The following PHKG2 variants were observed in gnomAD, a reference collection of about 807,000 sequenced individuals.
PHKG2 encodes phosphorylase b kinase gamma catalytic chain, liver/testis isoform.
In PHKG2, 28 loss-of-function variants were observed where a neutral mutation model predicts 44.5. That is an observed-to-expected ratio of 0.63 (90% CI 0.47 to 0.86). The LOEUF is 0.86. Among genes scored for constraint, PHKG2 ranks in the 40% least tolerant of loss-of-function variants. The probability of loss-of-function intolerance (pLI) is 0.00; values close to 1 mark genes in which losing one functional copy is unlikely to be tolerated. For synonymous variants in PHKG2, 220 were observed against 211.2 expected, an observed-to-expected ratio of 1.04 and a Z score of -0.36; for missense variants, 498 against 547.5, an observed-to-expected ratio of 0.91 and a Z score of 0.90.
chr16:30,759,813 C>A lies in PHKG2; in HGVS notation c.*2716C>A. 6.6e-7 allele frequency: 1 copy of A among 1,509,876 alleles called. No homozygotes were observed. Among genetic ancestry groups the A allele is most frequent in the South Asian group, 1.4e-5 (1 of 73,648 alleles). 93.5% of individuals were successfully genotyped at this position (1,509,876 alleles called of 1,614,324 possible). On this transcript the variant is annotated 3_prime_UTR_variant, in exon 10 of 10. Coordinates refer to ENST00000563588, the MANE Select transcript of PHKG2 (RefSeq NM_000294.3). ...AACAGCTGTTTATGACCATGAGCTT[C>A]AGAAGCAGACAGATCTGGGTTTCAG... is the stretch of plus-strand genomic sequence containing the variant.
intron 3 of PHKG2, 88 bp downstream of exon 3, chr16:30,751,369 C>T (rs1158501399): frequency 7.1e-7 from 1 of 1,409,120 alleles, no homozygotes; most frequent in South Asian, 1.1e-5. Context: ...AACATTGCCT[C>T]CACACCTCTC....
Position 30,748,926 on chromosome 16 carries a change from G to A in PHKG2, c.95+11G>A, listed in dbSNP as rs886051910. ...GGACGTCATCGGCAGGTAAGGCCGC[G>A]GCCAGGGAAACGGAGGTCCAAAGAG... On this transcript the variant is annotated intron_variant, in intron 2 of 9. Coordinates refer to ENST00000563588, the MANE Select transcript of PHKG2 (RefSeq NM_000294.3). 2 of 1,548,308 alleles carry A rather than the reference G, an allele frequency of 1.3e-6. No homozygotes were observed. The highest frequency in any genetic ancestry group is 1.7e-6 in the Non-Finnish European group (2 of 1,144,228).
chr16:30,760,909 T>C lies in PHKG2; in HGVS notation c.*3812T>C. The C allele has an allele frequency of 1.6e-6, 1 of 615,720 alleles. No individual in the cohort carries two copies. Among genetic ancestry groups the C allele is most frequent in the Non-Finnish European group, 2.9e-6 (1 of 348,756 alleles). 38.1% of individuals were successfully genotyped at this position (615,720 alleles called of 1,614,324 possible). The stretch of plus-strand genomic sequence containing the variant: ...TTTTTTCTGCTCTGCCACTACCTTG[T>C]ATGACCTTGGTCAAGTACTCCCTGT... On this transcript the variant is annotated 3_prime_UTR_variant, in exon 10 of 10. Coordinates refer to ENST00000563588, the MANE Select transcript of PHKG2 (RefSeq NM_000294.3).
chr16:30,757,522 C>T lies in PHKG2; in HGVS notation c.*425C>T, dbSNP rs572438853. 60 of 1,614,124 alleles carry T rather than the reference C, an allele frequency of 3.7e-5. No individual in the cohort carries two copies. Among genetic ancestry groups the T allele is most frequent in the Non-Finnish European group, 4.8e-5 (57 of 1,180,006 alleles). On this transcript the variant is annotated 3_prime_UTR_variant, in exon 10 of 10. Coordinates refer to ENST00000563588, the MANE Select transcript of PHKG2 (RefSeq NM_000294.3). ...TTTACCCGGAGGTAGCTGGAAGGGC[C>T]GCTCTAGTGCAGTCAACTTGCTGCT...
rs1231648598 is a variant in PHKG2 at position 30,757,468 on chromosome 16, GTTGGGGGTCA to G, written c.*372_*381del. 2 of 1,611,166 alleles carry G rather than the reference GTTGGGGGTCA, an allele frequency of 1.2e-6. No individual in the cohort carries two copies. The highest frequency in any genetic ancestry group is 4.5e-5 in the East Asian group (2 of 44,842). ...GGCCCAGACCTTTATTGGGGAAAAT[GTTGGGGGTCA>G]CTTGGTCTTGCTCTTGCCTTTACCC... On this transcript the variant is annotated 3_prime_UTR_variant, in exon 10 of 10. Coordinates refer to ENST00000563588, the MANE Select transcript of PHKG2 (RefSeq NM_000294.3).
In PHKG2 at chr16:30,760,608, C is replaced by T; in HGVS notation, c.*3511C>T. Reference sequence around the variant, plus strand: ...CCCACGCCCCCCTCAGTCCCTACTCCCTCATCTCAGCATTGGTGGTCTTCT... The same window carrying T: ...CCCACGCCCCCCTCAGTCCCTACTCTCTCATCTCAGCATTGGTGGTCTTCT... On this transcript the variant is annotated 3_prime_UTR_variant, in exon 10 of 10. Transcript: ENST00000563588. The T allele has an allele frequency of 1.9e-6, 3 of 1,558,630 alleles. No homozygotes were observed. The highest frequency in any genetic ancestry group is 2.6e-6 in the Non-Finnish European group (3 of 1,150,482).
chr16:30,760,708 C>T lies in PHKG2; in HGVS notation c.*3611C>T. 1 of 1,538,156 alleles carries T rather than the reference C, an allele frequency of 6.5e-7. No homozygotes were observed. Among genetic ancestry groups the T allele is most frequent in the South Asian group, 1.2e-5 (1 of 83,792 alleles). On this transcript the variant is annotated 3_prime_UTR_variant, in exon 10 of 10. Transcript: ENST00000563588. ...GAAAAAGAGTATTGGTGGCCGTTAC[C>T]TATCATGACAAGGCTGTGACAGCTA...
At chr16:30,748,743 T>C (rs1416314899) in intron 1 of PHKG2, 60 bp from the exon 2 acceptor site, 6 of 769,844 alleles carry the variant, frequency 7.8e-6, no homozygotes, top group African/African-American at 2.0e-5. Context: ...GGAGCCGCCA[T>C]GCGGGTCGTC....
intron 4 of PHKG2, chr16:30,752,544 A>G (rs1344820837): frequency 6.5e-6 from 1 of 153,394 alleles, no homozygotes; most frequent in Non-Finnish European, 1.4e-5. Flanking sequence ...GTCCGATGCA[A>G]TTGGTATAAT....
intron 2 of PHKG2, among the ~76,000 whole-genome samples, chr16:30,749,225 CTTTCGG>C (rs1567259827): frequency 2.8e-4 from 12 of 42,680 alleles, no homozygotes; most frequent in Admixed American, 9.8e-4. Flanking sequence ...GTGTGTGTGT[CTTTCGG>C]TGGTGGTGGT....
At position 30,757,708 on chromosome 16, in the gene PHKG2, G is replaced by C. The variant is rs997083258; in HGVS notation, c.*611G>C. On this transcript the variant is annotated 3_prime_UTR_variant, in exon 10 of 10. Transcript: ENST00000563588. ...TGAGGAGAGATGCTGTCTGGCAATGGGGGGATGGTCCCTAGTTGGGCAAAC... is the reference window on the plus strand; with the variant it reads ...TGAGGAGAGATGCTGTCTGGCAATGCGGGGATGGTCCCTAGTTGGGCAAAC... The C allele has an allele frequency of 1.9e-6, 3 of 1,553,358 alleles. No individual in the cohort carries two copies. The highest frequency in any genetic ancestry group is 2.6e-6 in the Non-Finnish European group (3 of 1,148,638).
intron 7 of PHKG2, 39 bp from the exon 8 acceptor site, chr16:30,756,328 C>T (rs1467286292): frequency 6.2e-7 from 1 of 1,614,168 alleles, no homozygotes; most frequent in South Asian, 1.1e-5. Flanking sequence ...CTGGGTCTGC[C>T]CGTCACCTAG....
chr16:30,753,651 A>G, intron 6 of PHKG2, 94 bp downstream of exon 6: 1 of 1,271,284 alleles, frequency 7.9e-7, no homozygotes. Context: ...CCCTGGTGCC[A>G]AGAAAAAGGG....
intron 2 of PHKG2, among the ~76,000 whole-genome samples, chr16:30,750,344 A>G (rs1222710981): frequency 1.3e-5 from 2 of 152,244 alleles, no homozygotes; most frequent in East Asian, 3.8e-4. Flanking sequence ...TGTGAGGCCA[A>G]GGAGGCCCCA....
At position 30,757,278 on chromosome 16, in the gene PHKG2, G is replaced by A. The variant is rs2053449331; in HGVS notation, c.*181G>A. 6.5e-7 allele frequency: 1 copy of A among 1,548,486 alleles called. No individual in the cohort carries two copies. Among genetic ancestry groups the A allele is most frequent in the East Asian group, 2.3e-5 (1 of 44,344 alleles). On this transcript the variant is annotated 3_prime_UTR_variant, in exon 10 of 10. Coordinates refer to ENST00000563588, the MANE Select transcript of PHKG2 (RefSeq NM_000294.3). Reference sequence around the variant, plus strand: ...GGACTCTGAGATCAGAGCTGGGGTGGAAGGGAGCCATTCTGAACGCCACGC... The same window carrying A: ...GGACTCTGAGATCAGAGCTGGGGTGAAAGGGAGCCATTCTGAACGCCACGC...
At position 30,751,947 on chromosome 16, in the gene PHKG2, G is replaced by C. The variant is rs950687971; in HGVS notation, c.326+344G>C. 3.1e-5 allele frequency: 10 copies of C among 327,058 alleles called. No homozygotes were observed. The Admixed American group carries it at 4.1e-4, about 13-fold the overall frequency. The allele number at this position is 327,058 out of a possible 1,614,324, so 20.3% of individuals were successfully genotyped here. ...TCTCTACTAAAAATACAAAAAATCA[G>C]CCGGGCGTGGTGGTGGGCGCCTGTA... On this transcript the variant is annotated intron_variant, in intron 4 of 9. Coordinates refer to ENST00000563588, the MANE Select transcript of PHKG2 (RefSeq NM_000294.3).
Position 30,759,622 on chromosome 16 carries a change from TAA to T in PHKG2, c.*2527_*2528del, listed in dbSNP as rs777811070. ...GGGTGAGACCTTGTCTGGGGATGGG[TAA>T]AGTTTCCAGAATGTTCCAGGGGAAC... On this transcript the variant is annotated 3_prime_UTR_variant, in exon 10 of 10. Transcript: ENST00000563588. 6 of 1,613,828 alleles carry T rather than the reference TAA, an allele frequency of 3.7e-6. No homozygotes were observed. The highest frequency in any genetic ancestry group is 5.1e-6 in the Non-Finnish European group (6 of 1,180,012).
intron 2 of PHKG2, among the ~76,000 whole-genome samples, chr16:30,750,529 A>G (rs2053330516): frequency 6.6e-6 from 1 of 152,232 alleles, no homozygotes; most frequent in Admixed American, 6.5e-5. Flanking sequence ...TGTGTGCCTC[A>G]TGAATGCCCT....
In PHKG2 at chr16:30,760,459, G is replaced by A; in HGVS notation, c.*3362G>A. 6.2e-7 allele frequency: 1 copy of A among 1,613,876 alleles called. No homozygotes were observed. The highest frequency in any genetic ancestry group is 8.5e-7 in the Non-Finnish European group (1 of 1,179,866). ...CCAGCAGCTCAGCCAGCACCCTTGGGAGGGAGAGAGGAGTGAGTGACAACT... is the reference window on the plus strand; with the variant it reads ...CCAGCAGCTCAGCCAGCACCCTTGGAAGGGAGAGAGGAGTGAGTGACAACT... On this transcript the variant is annotated 3_prime_UTR_variant, in exon 10 of 10. Transcript: ENST00000563588.
Sources: allele counts gnomAD v4.1 joint callset (sites outside exome capture counted in the v4.1 genomes callset), GRCh38; gene constraint gnomAD v4.1.1; transcripts MANE v1.5; gene names NCBI Gene and HGNC (gene_info 2026-07-23, HGNC 2026-07-21).